The following LMAN1 variants were observed in gnomAD, a reference collection of about 807,000 sequenced individuals.
LMAN1 encodes the protein protein ERGIC-53.
In LMAN1, 32 loss-of-function variants were observed where a neutral mutation model predicts 67.8. The observed-to-expected ratio is 0.47, with a 90% CI of 0.36 to 0.63. The LOEUF (loss-of-function observed/expected upper bound fraction) is 0.63. Among genes scored for constraint, LMAN1 ranks in the 30% least tolerant of loss-of-function variants. LMAN1 has a pLI of 0.00. For missense variants in LMAN1, 632 were observed against 628.2 expected, an observed-to-expected ratio of 1.01 and a Z score of -0.06; for synonymous variants, 235 against 219.3, an observed-to-expected ratio of 1.07 and a Z score of -0.63.
intron 6 of LMAN1, among the ~76,000 whole-genome samples, chr18:59,348,547 A>C: frequency 6.6e-6 from 1 of 152,248 alleles, no homozygotes; most frequent in East Asian, 1.9e-4. Context: ...ATTTGAAAAT[A>C]TTTAAAACTA....
rs373617478 is a variant in LMAN1, at chr18:59,345,902, G to A, written c.955+17C>T. 5 of 1,613,738 alleles carry A rather than the reference G, an allele frequency of 3.1e-6. No homozygotes were observed. In the Admixed American group the frequency reaches 5.0e-5, roughly 16 times the overall value. On this transcript the variant is annotated intron_variant, in intron 8 of 12. Transcript: ENST00000251047. ...AAGCCCTGCTGCGGCACCCATGTCAGCTTTGCTACAACTCACCAGGCTGCC... is the reference window on the plus strand; with the variant it reads ...AAGCCCTGCTGCGGCACCCATGTCAACTTTGCTACAACTCACCAGGCTGCC...
intron 7 of LMAN1, among the ~76,000 whole-genome samples, chr18:59,346,554 T>C (rs770732636): frequency 3.4e-5 from 5 of 147,528 alleles, no homozygotes; most frequent in African/African-American, 5.1e-5. Flanking sequence ...GGACTCTTAC[T>C]TTGTTGCCCA....
Position 59,359,171 on chromosome 18 carries a change from C to T in LMAN1, c.74G>A (p.Gly25Asp), listed in dbSNP as rs768777431. The T allele has an allele frequency of 2.5e-6, 4 of 1,613,954 alleles. No homozygotes were observed. Among genetic ancestry groups the T allele is most frequent in the African/African-American group, 2.7e-5 (2 of 74,942 alleles). Residue 25 changes from glycine (G) to aspartate (D), a missense_variant, in exon 1 of 13, where the codon GGT becomes GAT. By Grantham distance (94) the Gly-to-Asp change is moderately conservative. Transcript: ENST00000251047. ...CACGCCGTCGCCCCGGACGAAGCGACCGAGTGACAGCAGCAAGGCGCAGAA... is the reference window on the plus strand; with the variant it reads ...CACGCCGTCGCCCCGGACGAAGCGATCGAGTGACAGCAGCAAGGCGCAGAA... ...PLFCALLLSLGRFVRGDGVGG... is the reference protein window; with the variant it reads ...PLFCALLLSLDRFVRGDGVGG...
rs561887209 is a variant in LMAN1 at position 59,330,429 on chromosome 18, T to C, written c.*664A>G. On this transcript the variant is annotated 3_prime_UTR_variant, in exon 13 of 13. Coordinates refer to ENST00000251047, the MANE Select transcript of LMAN1 (RefSeq NM_005570.4). Reference sequence around the variant, plus strand: ...TATAAAAGCCATTCTCAGAGGAATGTTTCCACCCACAAGGTTTTTTAGGCA... The same window carrying C: ...TATAAAAGCCATTCTCAGAGGAATGCTTCCACCCACAAGGTTTTTTAGGCA... The C allele has an allele frequency of 2.0e-5, 3 of 148,430 alleles. No homozygotes were observed. In the East Asian group the frequency reaches 5.8e-4, roughly 29 times the overall value. 9.2% of individuals were successfully genotyped at this position (148,430 alleles called of 1,614,324 possible). A position where few individuals can be genotyped will look rare whatever the true frequency, so the allele number is the denominator to read the frequency against.
At chr18:59,358,180 G>C (rs749247358) in intron 1 of LMAN1, among the ~76,000 whole-genome samples, 1 of 152,174 alleles carries the variant, frequency 6.6e-6, no homozygotes, top group Non-Finnish European at 1.5e-5. Context: ...TTTCACGTAA[G>C]TAAATGCTCT....
At position 59,338,819 on chromosome 18, in the gene LMAN1, A is replaced by C. The variant is rs1011664151; in HGVS notation, c.1090T>G (p.Ser364Ala). 6.2e-7 allele frequency: 1 copy of C among 1,614,122 alleles called. No homozygotes were observed. Among genetic ancestry groups the C allele is most frequent in the Non-Finnish European group, 8.5e-7 (1 of 1,180,026 alleles). Residue 364 changes from serine (S) to alanine (A), a missense_variant, in exon 9 of 13, where the codon TCT becomes GCT. Coordinates refer to ENST00000251047, the MANE Select transcript of LMAN1 (RefSeq NM_005570.4). The stretch of plus-strand genomic sequence containing the variant: ...TTAGAGATTTCCTCTGTTAAGGAAG[A>C]GACATATCTTCTCTGTTCATCAAGA... Reference protein sequence around the residue: ...MILDEQRRYVSSLTEEISKRG... With the variant: ...MILDEQRRYVASLTEEISKRG...
At chr18:59,347,006 G>A (rs749336775) in intron 7 of LMAN1, among the ~76,000 whole-genome samples, 6 of 151,782 alleles carry the variant, frequency 4.0e-5, no homozygotes, top group South Asian at 2.1e-4. Flanking sequence ...CAAGGCAGGC[G>A]GATCACAAGG....
rs114753527 is a variant in LMAN1 at position 59,351,006 on chromosome 18, G to C, written c.640-1770C>G. Among the ~76,000 whole-genome samples, 424 of 152,264 alleles carry C rather than the reference G, an allele frequency of 2.8e-3. 5 individuals are homozygous for C. Among genetic ancestry groups the C allele is most frequent in the African/African-American group, 9.8e-3 (405 of 41,534 alleles). On this transcript the variant is annotated intron_variant, in intron 5 of 12. Transcript: ENST00000251047. ...ATTTAAGATCTCTTGCTTTGGCTGT[G>C]TTTCCCCCACCAACAGCACTTATTG...
intron 8 of LMAN1, among the ~76,000 whole-genome samples, chr18:59,341,044 G>A (rs1411953451): frequency 6.6e-6 from 1 of 151,902 alleles, no homozygotes; most frequent in Non-Finnish European, 1.5e-5. Context: ...CCAAGCAAAT[G>A]GAAACCAAAA....
chr18:59,333,374 T>C (rs1006926664), intron 10 of LMAN1, 130 bp from the exon 11 acceptor site: 7 of 689,264 alleles, frequency 1.0e-5, no homozygotes, highest in South Asian at 2.0e-5. Flanking sequence ...AGGTAAAGTA[T>C]CTTTAAAAAT....
At chr18:59,331,175 A>G (rs781310657) in intron 12 of LMAN1, 46 bp from the exon 13 acceptor site, 401 of 1,503,002 alleles carry the variant, frequency 2.7e-4, no homozygotes, top group Non-Finnish European at 3.6e-4. Flanking sequence ...CTATACGCTT[A>G]ACTTTGGAAA....
At chr18:59,346,725 G>C (rs1603395307) in intron 7 of LMAN1, among the ~76,000 whole-genome samples, 1 of 150,850 alleles carries the variant, frequency 6.6e-6, no homozygotes, top group Non-Finnish European at 1.5e-5. Context: ...TTGCCATGTT[G>C]GTCAGGCTGG....
intron 6 of LMAN1, 64 bp from the exon 7 acceptor site, chr18:59,347,635 T>A: frequency 1.8e-6 from 2 of 1,084,332 alleles, no homozygotes; most frequent in Non-Finnish European, 2.7e-6. Flanking sequence ...TCATTGTAAA[T>A]GTATTTTATC....
rs556745761 is a variant in LMAN1, at chr18:59,354,565, T to C, written c.493A>G (p.Ile165Val). Residue 165 changes from isoleucine to valine, a missense_variant, in exon 4 of 13, where the codon ATA becomes GTA. By Grantham distance (29) the Ile-to-Val change is conservative. Coordinates refer to ENST00000251047, the MANE Select transcript of LMAN1 (RefSeq NM_005570.4). The part of the protein sequence containing the change: ...DNDGKKNNPA[I>V]VIIGNNGQIH... Reference sequence around the variant, plus strand: ...TGTCCATTGTTGCCTATAATTACTATAGCAGGATTATTTTTCTAAAAAAAA... The same window carrying C: ...TGTCCATTGTTGCCTATAATTACTACAGCAGGATTATTTTTCTAAAAAAAA... The C allele has an allele frequency of 1.4e-5, 21 of 1,475,062 alleles. No homozygotes were observed. The South Asian group carries it at 2.0e-4, about 14-fold the overall frequency. 91.4% of individuals were successfully genotyped at this position (1,475,062 alleles called of 1,614,324 possible). A position where few individuals can be genotyped will look rare whatever the true frequency, so the allele number is the denominator to read the frequency against.
At position 59,349,181 on chromosome 18, in the gene LMAN1, T is replaced by C; in HGVS notation, c.695A>G (p.Lys232Arg). 1.2e-6 allele frequency: 2 copies of C among 1,613,892 alleles called. No individual in the cohort carries two copies. The highest frequency in any genetic ancestry group is 1.7e-6 in the Non-Finnish European group (2 of 1,179,770). ...TGCAGGGATAATCATATTTTCCACT[T>C]TGGCACAAAATTCATAATCATTTTT... The part of the protein sequence containing the change: ...PDKNDYEFCA[K>R]VENMIIPAQG... The change falls in exon 6 of 13, where the codon AAA becomes AGA. Residue 232 changes from lysine to arginine, a missense_variant. Coordinates refer to ENST00000251047, the MANE Select transcript of LMAN1 (RefSeq NM_005570.4).
chr18:59,332,853 G>A (rs1049444083), intron 11 of LMAN1, among the ~76,000 whole-genome samples: 1 of 152,084 alleles, frequency 6.6e-6, no homozygotes, highest in African/African-American at 2.4e-5. Context: ...ATATTTTCAC[G>A]AAATGATAAT....
Position 59,353,248 on chromosome 18 carries a change from G to C in LMAN1, c.593C>G (p.Pro198Arg), listed in dbSNP as rs555761200. The C allele has an allele frequency of 1.2e-6, 2 of 1,613,958 alleles. No individual in the cohort carries two copies. The highest frequency in any genetic ancestry group is 1.7e-6 in the Non-Finnish European group (2 of 1,179,984). Residue 198 changes from proline (P) to arginine (R), a missense_variant, in exon 5 of 13, where the codon CCC (proline) becomes CGC (arginine). Coordinates refer to ENST00000251047, the MANE Select transcript of LMAN1 (RefSeq NM_005570.4). ...ASCQRDFRNK[P>R]YPVRAKITYY... ...GGTAATCTTTGCTCGGACAGGATAGGGTTTGTTGCGGAAGTCCCTCTGGCA... is the reference window on the plus strand; with the variant it reads ...GGTAATCTTTGCTCGGACAGGATAGCGTTTGTTGCGGAAGTCCCTCTGGCA...
At chr18:59,347,399 A>C (rs1196470295) in intron 7 of LMAN1, 114 bp downstream of exon 7, 1 of 660,760 alleles carries the variant, frequency 1.5e-6, no homozygotes, top group Non-Finnish European at 2.7e-6. Context: ...CTTGCACAAG[A>C]CCATATAGCA....
chr18:59,345,014 A>G lies in LMAN1; in HGVS notation c.955+905T>C, dbSNP rs539639396. Among the ~76,000 whole-genome samples, 6 of 152,306 alleles carry G rather than the reference A, an allele frequency of 3.9e-5. No homozygotes were observed. In the South Asian group the frequency reaches 6.2e-4, roughly 16 times the overall value. On this transcript the variant is annotated intron_variant, in intron 8 of 12. Coordinates refer to ENST00000251047, the MANE Select transcript of LMAN1 (RefSeq NM_005570.4). The stretch of plus-strand genomic sequence containing the variant: ...CGGGGTGATGGTTAAATGGGTATAC[A>G]CATTTGTCAAAATTTACTAAACAAT...
Sources: gnomAD v4.1 joint callset for allele counts (sites outside exome capture counted in the v4.1 genomes callset) on GRCh38, gnomAD v4.1.1 for gene constraint, MANE v1.5 for transcripts, NCBI Gene and HGNC (gene_info 2026-07-23, HGNC 2026-07-21) for gene names.